REV1: variants seen among roughly 807,000 people sequenced by gnomAD.
REV1 encodes the protein translesion synthesis protein REV1.
REV1 carries 42 observed loss-of-function variants against 137.4 expected under a neutral mutation model. That is an observed-to-expected ratio of 0.31 (90% CI 0.24 to 0.40). The LOEUF (loss-of-function observed/expected upper bound fraction) is 0.40, where lower values mean the gene tolerates loss of function less well. Among genes scored for constraint, REV1 ranks in the 10% least tolerant of loss-of-function variants. The probability of loss-of-function intolerance (pLI) is 1.00; values close to 1 mark genes in which losing one functional copy is unlikely to be tolerated. For missense variants in REV1, 1,282 were observed against 1,490.1 expected (o/e 0.86, Z 2.30); for synonymous variants, 524 against 519.2 (o/e 1.01, Z -0.12).
chr2:99,489,513 G>T (rs1300403745), intron 1 of REV1, among the ~76,000 whole-genome samples: 1 of 1,942 alleles, frequency 5.1e-4, no homozygotes, highest in Non-Finnish European at 1.1e-3. Flanking sequence ...GCCAGGGGTC[G>T]GCGCGGGGCG....
chr2:99,429,044 T>G (rs1679775695), intron 9 of REV1, among the ~76,000 whole-genome samples: 1 of 151,984 alleles, frequency 6.6e-6, no homozygotes, highest in Non-Finnish European at 1.5e-5. Flanking sequence ...TGTTTCGATT[T>G]GAAATTATTG....
chr2:99,463,624 A>ATATTT (rs1559392693), intron 2 of REV1, among the ~76,000 whole-genome samples: 1 of 152,036 alleles, frequency 6.6e-6, no homozygotes, highest in Non-Finnish European at 1.5e-5. Context: ...GTCTCAGAGC[A>ATATTT]TATTTTATTT....
chr2:99,411,151 G>A (rs542250929), intron 13 of REV1, among the ~76,000 whole-genome samples: 1 of 152,138 alleles, frequency 6.6e-6, no homozygotes, highest in East Asian at 2.0e-4. Context: ...AGCCTGGCGT[G>A]GTGGCGGGTG....
At chr2:99,475,973 ACTT>A (rs1685923270) in intron 1 of REV1, among the ~76,000 whole-genome samples, 2 of 152,226 alleles carry the variant, frequency 1.3e-5, no homozygotes, top group African/African-American at 2.4e-5. Context: ...ACAGAGTGAG[ACTT>A]CGTCTCAAAA....
chr2:99,475,562 C>T (rs978245674), intron 1 of REV1, among the ~76,000 whole-genome samples: 1 of 152,078 alleles, frequency 6.6e-6, no homozygotes, highest in Non-Finnish European at 1.5e-5. Flanking sequence ...CTGACAAATT[C>T]TAGAGTCTTT....
chr2:99,444,389 G>A (rs769817518), intron 4 of REV1, among the ~76,000 whole-genome samples: 8 of 152,142 alleles, frequency 5.3e-5, no homozygotes, highest in Non-Finnish European at 1.0e-4. Flanking sequence ...GATCATTCTC[G>A]CTTTTCCTGC....
chr2:99,456,245 TTGAG>T (rs1683527158), intron 3 of REV1, among the ~76,000 whole-genome samples: 1 of 152,212 alleles, frequency 6.6e-6, no homozygotes, highest in South Asian at 2.1e-4. Context: ...CTAATACTTA[TTGAG>T]TATCTACAAT....
rs923503734 is a variant in REV1 at position 99,409,856 on chromosome 2, C to T, written c.2345+839G>A. Among the ~76,000 whole-genome samples, 3 of 47,506 alleles carry T rather than the reference C, an allele frequency of 6.3e-5. No homozygotes were observed. The South Asian group carries it at 2.0e-3, about 32-fold the overall frequency. 31.2% of individuals were successfully genotyped at this position (47,506 alleles called of 152,430 possible). On this transcript the variant is annotated intron_variant, in intron 14 of 22. Coordinates refer to ENST00000258428, the MANE Select transcript of REV1 (RefSeq NM_016316.4). ...AGACTCTGTCTCAAAACAAACAACC[C>T]CCCCCCCCCCCAAAAAAAACAGCGT...
chr2:99,480,554 T>C (rs1368121160), intron 1 of REV1, among the ~76,000 whole-genome samples: 1 of 152,224 alleles, frequency 6.6e-6, no homozygotes, highest in Non-Finnish European at 1.5e-5. Context: ...GTATAAATCT[T>C]AGCAGAAGTC....
rs201758658 is a variant in REV1, at chr2:99,434,320, G to A, written c.1438+12C>T. 32 of 1,558,270 alleles carry A rather than the reference G, an allele frequency of 2.1e-5. No individual in the cohort carries two copies. The East Asian group carries it at 6.0e-4, about 29-fold the overall frequency. On this transcript the variant is annotated intron_variant, in intron 8 of 22. Transcript: ENST00000258428. ...CAGGAGCACTAAGACTTCAAAGAGA[G>A]CTCATTTGTACCTGCTTTGCCTTTC...
chr2:99,449,421 G>A lies in REV1; in HGVS notation c.265C>T (p.His89Tyr). 6.4e-7 allele frequency: 1 copy of A among 1,570,120 alleles called. No individual in the cohort carries two copies. Among genetic ancestry groups the A allele is most frequent in the Non-Finnish European group, 8.6e-7 (1 of 1,159,486 alleles). Residue 89 changes from histidine to tyrosine, a missense_variant, in exon 4 of 23, where the codon CAT (histidine) becomes TAT (tyrosine). This residue lies in a region of REV1 where 107 missense variants were observed against 164.3 expected (regional missense o/e 0.65). Coordinates refer to ENST00000258428, the MANE Select transcript of REV1 (RefSeq NM_016316.4). Reference sequence around the variant, plus strand: ...TTGGGAAGATTTGTGGCAATAATATGTGTTGTTTTAGATCTGGAATAATAT... The same window carrying A: ...TTGGGAAGATTTGTGGCAATAATATATGTTGTTTTAGATCTGGAATAATAT... ...HVYYSRSKTT[H>Y]IIATNLPNAK...
chr2:99,435,669 C>T (rs1193464796), intron 7 of REV1, 165 bp downstream of exon 7: 1 of 488,834 alleles, frequency 2.0e-6, no homozygotes, highest in African/African-American at 2.0e-5. Context: ...GAAAGAAAAA[C>T]TCTAATTTCC....
At chr2:99,489,547 G>C (rs1384538836) in intron 1 of REV1, among the ~76,000 whole-genome samples, 1 of 148,444 alleles carries the variant, frequency 6.7e-6, no homozygotes, top group African/African-American at 2.4e-5. Context: ...GCGGCGGCGC[G>C]GGGCCGGCCG....
At chr2:99,419,409 A>C (rs1678361363) in intron 11 of REV1, among the ~76,000 whole-genome samples, 1 of 151,646 alleles carries the variant, frequency 6.6e-6, no homozygotes, top group South Asian at 2.1e-4. Flanking sequence ...ACGGGGTTTC[A>C]CCATGTTAGC....
At chr2:99,441,321 A>G (rs1011716396) in intron 5 of REV1, among the ~76,000 whole-genome samples, 1 of 151,954 alleles carries the variant, frequency 6.6e-6, no homozygotes, top group African/African-American at 2.4e-5. Flanking sequence ...GGTGTTTTCG[A>G]AAAAAAATAT....
Position 99,438,725 on chromosome 2 carries a change from C to T in REV1, c.1089G>A (p.Met363Ile), listed in dbSNP as rs770404522. 1 of 1,614,012 alleles carries T rather than the reference C, an allele frequency of 6.2e-7. No homozygotes were observed. Among genetic ancestry groups the T allele is most frequent in the South Asian group, 1.1e-5 (1 of 91,086 alleles). Reference sequence around the variant, plus strand: ...CAAACTCAGTCAATTCACACTTCCACATTGATATGTGATGCAGTCTTGAAT... The same window carrying T: ...CAAACTCAGTCAATTCACACTTCCATATTGATATGTGATGCAGTCTTGAAT... ...YSHSRLHHIS[M>I]WKCELTEFVN... Residue 363 changes from methionine to isoleucine, a missense_variant, in exon 6 of 23, where the codon ATG becomes ATA. Met to Ile is a conservative substitution (Grantham distance 10). This residue lies in a region of REV1 where 432 missense variants were observed against 438.0 expected (regional missense o/e 0.99). Coordinates refer to ENST00000258428, the MANE Select transcript of REV1 (RefSeq NM_016316.4).
intron 13 of REV1, among the ~76,000 whole-genome samples, chr2:99,412,141 G>A (rs1677245416): frequency 6.6e-6 from 1 of 151,054 alleles, no homozygotes; most frequent in South Asian, 2.1e-4. Flanking sequence ...GCTGAGGCAG[G>A]AGAATCTCTT....
chr2:99,457,512 T>A (rs983109520), intron 3 of REV1, among the ~76,000 whole-genome samples: 7 of 151,980 alleles, frequency 4.6e-5, no homozygotes, highest in Non-Finnish European at 1.0e-4. Flanking sequence ...CGAAACCCCA[T>A]CTCTACTAAA....
At position 99,404,475 on chromosome 2, in the gene REV1, A is replaced by C; in HGVS notation, c.3014T>G (p.Ile1005Arg). The change falls in exon 18 of 23, where the codon ATA (isoleucine) becomes AGA (arginine). Residue 1005 changes from isoleucine to arginine, a missense_variant. By Grantham distance (97) the Ile-to-Arg change is moderately conservative (BLOSUM62 -3). Around this residue, in one of 7 missense-constraint regions of REV1, gnomAD observed 135 missense variants for 123.3 expected, o/e 1.10. Coordinates refer to ENST00000258428, the MANE Select transcript of REV1 (RefSeq NM_016316.4). ...EPQESNSDAGINLIALPAFSQ... is the reference protein window; with the variant it reads ...EPQESNSDAGRNLIALPAFSQ... ...AAATGCTGGAAGGGCTATTAAATTTATTCCTGCGTCACTGTTCGATTCTTG... is the reference window on the plus strand; with the variant it reads ...AAATGCTGGAAGGGCTATTAAATTTCTTCCTGCGTCACTGTTCGATTCTTG... 6.2e-7 allele frequency: 1 copy of C among 1,614,024 alleles called. No homozygotes were observed. Among genetic ancestry groups the C allele is most frequent in the Non-Finnish European group, 8.5e-7 (1 of 1,179,986 alleles).
Sources: allele counts gnomAD v4.1 joint callset (sites outside exome capture counted in the v4.1 genomes callset), GRCh38; gene constraint gnomAD v4.1.1; regional missense constraint gnomAD v4.1.1; transcripts MANE v1.5; gene names NCBI Gene and HGNC (gene_info 2026-07-23, HGNC 2026-07-21).